VDAC1: variants seen among roughly 807,000 people sequenced by gnomAD.
The protein encoded by VDAC1 is non-selective voltage-gated ion channel VDAC1.
Under a neutral mutation model 34.7 loss-of-function variants are expected in VDAC1, and 10 were observed. The ratio of observed to expected loss-of-function variants is 0.29; its 90% confidence interval spans 0.18 to 0.49. VDAC1 has a LOEUF of 0.49. VDAC1 is among the 20% of genes least tolerant of loss of function. The probability of loss-of-function intolerance (pLI) is 0.99; values close to 1 mark genes in which losing one functional copy is unlikely to be tolerated. For missense variants in VDAC1, 230 were observed against 347.9 expected (o/e 0.66, Z 2.69); for synonymous variants, 130 against 136.0 (o/e 0.96, Z 0.30).
chr5:133,972,751 A>G lies in VDAC1; in HGVS notation c.*20T>C. On this transcript the variant is annotated 3_prime_UTR_variant, in exon 9 of 9. Transcript: ENST00000265333. ...TATGCTGCAAAATAGTTTAAAATTA[A>G]ACAATTGTACAGTATTCATTTATGC... 7.0e-7 allele frequency: 1 copy of G among 1,421,158 alleles called. No individual in the cohort carries two copies. Among genetic ancestry groups the G allele is most frequent in the Non-Finnish European group, 9.8e-7 (1 of 1,016,554 alleles). The allele number at this position is 1,421,158 out of a possible 1,614,324, so 88.0% of individuals were successfully genotyped here. A position where few individuals can be genotyped will look rare whatever the true frequency, so the allele number is the denominator to read the frequency against.
the VDAC1 span, among the ~76,000 whole-genome samples, chr5:134,015,869 T>C: frequency 6.6e-6 from 1 of 152,178 alleles, no homozygotes; most frequent in African/African-American, 2.4e-5. Context: ...GGTCTTGAAC[T>C]CCTGACCTTG....
the VDAC1 span, among the ~76,000 whole-genome samples, chr5:134,020,445 GTATC>G: frequency 2.0e-5 from 3 of 151,694 alleles, no homozygotes; most frequent in Non-Finnish European, 4.4e-5. Flanking sequence ...CCCACCCCTT[GTATC>G]GCTAAACCCC....
chr5:134,027,925 C>T, the VDAC1 span, among the ~76,000 whole-genome samples: 1 of 151,494 alleles, frequency 6.6e-6, no homozygotes, highest in Non-Finnish European at 1.5e-5. Flanking sequence ...CGCCCACCAC[C>T]ATACCCTGCT....
intron 6 of VDAC1, among the ~76,000 whole-genome samples, chr5:133,979,674 C>T (rs569581335): frequency 4.6e-5 from 7 of 152,162 alleles, no homozygotes; most frequent in East Asian, 1.9e-4. Context: ...GTGATCCACC[C>T]GCCTCGGCCT....
chr5:134,095,713 T>G, the VDAC1 span, among the ~76,000 whole-genome samples: 1 of 152,094 alleles, frequency 6.6e-6, no homozygotes, highest in Non-Finnish European at 1.5e-5. Context: ...ACTCTAGGAC[T>G]GCACTGCCCA....
In VDAC1 at chr5:133,980,822, T is replaced by C; in HGVS notation, c.458A>G (p.Tyr153Cys). The change falls in exon 6 of 9, where the codon TAC becomes TGC. Residue 153 changes from tyrosine (Y) to cysteine (C), a missense_variant. Physicochemically the swap from Tyr to Cys is radical, Grantham distance 194. Transcript: ENST00000265333. The stretch of plus-strand genomic sequence containing the variant: ...TTTTGCAGTCTCAAAATTCATCTGG[T>C]AGCCGGCCAGCCAGCCCTCGTAACC... ...VLGYEGWLAG[Y>C]QMNFETAKSR... The C allele has an allele frequency of 1.2e-6, 2 of 1,613,310 alleles. No individual in the cohort carries two copies. The highest frequency in any genetic ancestry group is 8.5e-7 in the Non-Finnish European group (1 of 1,179,816).
chr5:134,054,022 G>C, the VDAC1 span, among the ~76,000 whole-genome samples: 1 of 152,188 alleles, frequency 6.6e-6, no homozygotes, highest in Non-Finnish European at 1.5e-5. Context: ...GCATTCTTAA[G>C]GAATTATGAT....
chr5:134,031,494 G>A, the VDAC1 span, among the ~76,000 whole-genome samples: 1 of 152,176 alleles, frequency 6.6e-6, no homozygotes, highest in Non-Finnish European at 1.5e-5. Flanking sequence ...GAGGGAGACA[G>A]GAGATTCTAT....
At chr5:134,099,468 C>G in the VDAC1 span, among the ~76,000 whole-genome samples, 8 of 152,344 alleles carry the variant, frequency 5.3e-5, no homozygotes, top group Admixed American at 4.6e-4. Flanking sequence ...ACCAGCCTGG[C>G]GCAGTCCGGC....
chr5:134,078,645 A>ATTTTTTT, the VDAC1 span, among the ~76,000 whole-genome samples: 2 of 78,774 alleles, frequency 2.5e-5, no homozygotes, highest in Non-Finnish European at 2.2e-5. Flanking sequence ...TCCCTCAAGC[A>ATTTTTTT]TCTTTTTTTT....
chr5:134,073,411 T>A, the VDAC1 span, among the ~76,000 whole-genome samples: 2 of 152,324 alleles, frequency 1.3e-5, no homozygotes, highest in African/African-American at 4.8e-5. Flanking sequence ...GGCCCGCCAA[T>A]GTATAGCTTA....
At chr5:133,981,619 G>A (rs555749063) in intron 5 of VDAC1, among the ~76,000 whole-genome samples, 1 of 152,316 alleles carries the variant, frequency 6.6e-6, no homozygotes, top group South Asian at 2.1e-4. Context: ...GATGATACCA[G>A]ATGTGAGTCT....
the VDAC1 span, among the ~76,000 whole-genome samples, chr5:134,014,409 G>A: frequency 6.6e-6 from 1 of 152,210 alleles, no homozygotes; most frequent in Admixed American, 6.5e-5. Context: ...ACGCCGGTCA[G>A]AATGGGTATT....
chr5:134,033,154 ATTTTTTTTT>A, the VDAC1 span, among the ~76,000 whole-genome samples: 15 of 125,422 alleles, frequency 1.2e-4, no homozygotes, highest in Non-Finnish European at 1.9e-4. Context: ...GTAGAAACTA[ATTTTTTTTT>A]TTTTTTTTTT....
chr5:134,003,007 C>T (rs1753619602), intron 1 of VDAC1, among the ~76,000 whole-genome samples: 1 of 151,628 alleles, frequency 6.6e-6, no homozygotes, highest in Non-Finnish European at 1.5e-5. Context: ...ATGGTCTGGG[C>T]CTGCAGCCCT....
At chr5:133,989,823 G>A (rs902928325) in intron 5 of VDAC1, among the ~76,000 whole-genome samples, 2 of 152,144 alleles carry the variant, frequency 1.3e-5, no homozygotes, top group Admixed American at 6.5e-5. Flanking sequence ...CCCACCAGGC[G>A]CAGCTAATTT....
chr5:134,020,826 A>G, the VDAC1 span, among the ~76,000 whole-genome samples: 5 of 151,774 alleles, frequency 3.3e-5, no homozygotes, highest in African/African-American at 4.8e-5. Flanking sequence ...ACAGGCGCCC[A>G]CCACCATGCC....
chr5:133,981,376 G>A (rs193068225), intron 5 of VDAC1, among the ~76,000 whole-genome samples: 3 of 152,194 alleles, frequency 2.0e-5, no homozygotes, highest in Admixed American at 6.5e-5. Context: ...CTAAATAGCA[G>A]CTTTTAAAGA....
the VDAC1 span, among the ~76,000 whole-genome samples, chr5:134,095,303 G>C: frequency 6.6e-6 from 1 of 151,882 alleles, no homozygotes; most frequent in Admixed American, 6.6e-5. Context: ...GCACTACAGG[G>C]AGATCCCATC....
Sources: gnomAD v4.1 joint callset for allele counts (sites outside exome capture counted in the v4.1 genomes callset) on GRCh38, gnomAD v4.1.1 for gene constraint, MANE v1.5 for transcripts, NCBI Gene and HGNC (gene_info 2026-07-23, HGNC 2026-07-21) for gene names.